Variants in MAX observed in about 807,000 individuals in gnomAD.
MAX encodes protein max.
A neutral mutation model predicts 22.3 loss-of-function variants in MAX; 3 were observed. The ratio of observed to expected loss-of-function variants is 0.13; its 90% CI spans 0.06 to 0.35. MAX has a LOEUF of 0.35. MAX is among the 10% of genes least tolerant of loss of function. The pLI is 1.00. For synonymous variants in MAX, 72 were observed against 77.7 expected (o/e 0.93, Z 0.39); for missense variants, 119 against 209.4 (o/e 0.57, Z 2.66).
intron 3 of MAX, among the ~76,000 whole-genome samples, chr14:65,065,599 G>A (rs1337660206): frequency 6.6e-6 from 1 of 152,136 alleles, no homozygotes; most frequent in Non-Finnish European, 1.5e-5. Context: ...AAGTATTTGT[G>A]AATCTAAACA....
At chr14:65,045,065 T>C (rs1287027266) in intron 3 of MAX, among the ~76,000 whole-genome samples, 1 of 152,212 alleles carries the variant, frequency 6.6e-6, no homozygotes, top group Non-Finnish European at 1.5e-5. Flanking sequence ...CGTTCGTTTC[T>C]GTGGGGTCTC....
downstream of MAX, among the ~76,000 whole-genome samples, chr14:65,071,942 T>C (rs930686037): frequency 1.1e-4 from 16 of 152,234 alleles, no homozygotes; most frequent in African/African-American, 3.4e-4. The surrounding 1 kb of genome is among the most constrained non-coding windows in gnomAD (Gnocchi z 4.2). Flanking sequence ...AACTATTTTT[T>C]ATTCCCTTCC....
chr14:65,068,565 C>T (rs2062955104), intron 3 of MAX, among the ~76,000 whole-genome samples: 2 of 152,064 alleles, frequency 1.3e-5, no homozygotes, highest in African/African-American at 2.4e-5. Context: ...ACTATGGACT[C>T]GTTTATTTTA....
rs117195243 is a variant in MAX, at chr14:65,044,525, T to C, written c.172-38241A>G. Reference sequence around the variant, plus strand: ...AGTCTGGAAGCCCAGCGTGCTTTTTTAGAGGGGTTGAAATGAGCTCTGTCT... The same window carrying C: ...AGTCTGGAAGCCCAGCGTGCTTTTTCAGAGGGGTTGAAATGAGCTCTGTCT... On this transcript the variant is annotated intron_variant, in intron 3 of 3. Coordinates refer to the MAX transcript ENST00000341653. The surrounding 1 kb of genome is among the most constrained non-coding windows in gnomAD (Gnocchi z 5.5). 94,789 of 1,538,304 alleles carry C rather than the reference T, an allele frequency of 0.062. 3,344 individuals are homozygous for C. The highest frequency in any genetic ancestry group is 0.1 in the Middle Eastern group (581 of 5,766).
rs998048958 is a variant in MAX, at chr14:65,062,400, C to G, written c.171+31308G>C. Reference sequence around the variant, plus strand: ...GCAGCGTGGGGTGCCGCCCAGCGTGCTGGGTCCTGGCAGTGCCTCTGCTGT... The same window carrying G: ...GCAGCGTGGGGTGCCGCCCAGCGTGGTGGGTCCTGGCAGTGCCTCTGCTGT... On this transcript the variant is annotated intron_variant, in intron 3 of 3. Coordinates refer to the MAX transcript ENST00000341653. The surrounding 1 kb of genome is among the most constrained non-coding windows in gnomAD (Gnocchi z 4.3). 6.6e-6 allele frequency: 1 copy of G among 152,640 alleles called. No individual in the cohort carries two copies. The highest frequency in any genetic ancestry group is 1.5e-5 in the Non-Finnish European group (1 of 68,110). 9.5% of individuals were successfully genotyped at this position (152,640 alleles called of 1,614,324 possible).
rs1019563809 is a variant in MAX at position 65,097,686 on chromosome 14, A to G, written c.63+3860T>C. On this transcript the variant is annotated intron_variant, in intron 2 of 4. Coordinates refer to ENST00000358664, the MANE Select transcript of MAX (RefSeq NM_002382.5). ...TATTAGAGACTAAGGACACGAGAAT[A>G]CACAGACCCAAAAATCTCATCCGAA... Among the ~76,000 whole-genome samples the G allele has an allele frequency of 2.6e-5, 4 of 152,260 alleles. No homozygotes were observed. The East Asian group carries it at 7.7e-4, about 29-fold the overall frequency.
In MAX at chr14:65,086,616, T is replaced by C. The variant is rs1021750081; in HGVS notation, c.171+7092A>G. On this transcript the variant is annotated intron_variant, in intron 3 of 4. Transcript: ENST00000358664. ...AACTTCACAGAGATGATTTAGGGTATCTGGAGGAAGAAATTTCTAAGCAGC... is the reference window on the plus strand; with the variant it reads ...AACTTCACAGAGATGATTTAGGGTACCTGGAGGAAGAAATTTCTAAGCAGC... Among the ~76,000 whole-genome samples, 10 of 152,180 alleles carry C rather than the reference T, an allele frequency of 6.6e-5. No homozygotes were observed. In the East Asian group the frequency reaches 1.7e-3, roughly 26 times the overall value.
chr14:65,056,544 ATT>A (rs1193819359), intron 3 of MAX, among the ~76,000 whole-genome samples: 1 of 152,156 alleles, frequency 6.6e-6, no homozygotes, highest in Middle Eastern at 3.4e-3. Context: ...GTGAAGTGGT[ATT>A]TGTTTGATTT....
At chr14:65,025,576 A>AGGTCTGAG (rs2061964690) in intron 3 of MAX, among the ~76,000 whole-genome samples, 1 of 152,178 alleles carries the variant, frequency 6.6e-6, no homozygotes, top group African/African-American at 2.4e-5. Flanking sequence ...GCACTTTGGG[A>AGGTCTGAG]GTCCGAGGTG....
intron 3 of MAX, among the ~76,000 whole-genome samples, chr14:65,013,815 T>C (rs2061723861): frequency 6.6e-6 from 1 of 152,270 alleles, no homozygotes; most frequent in African/African-American, 2.4e-5. Context: ...CCTGAGGCTC[T>C]GGGGTTACAG....
At chr14:65,013,835 A>G (rs2061724566) in intron 3 of MAX, among the ~76,000 whole-genome samples, 1 of 152,268 alleles carries the variant, frequency 6.6e-6, no homozygotes, top group South Asian at 2.1e-4. Flanking sequence ...GGCGTGAGCT[A>G]CTGCGCCCAG....
At chr14:65,094,405 T>C (rs1185564675) in intron 2 of MAX, among the ~76,000 whole-genome samples, 1 of 152,266 alleles carries the variant, frequency 6.6e-6, no homozygotes, top group Non-Finnish European at 1.5e-5. Context: ...GAGATCATTA[T>C]GACAGAGCTG....
downstream of MAX, among the ~76,000 whole-genome samples, chr14:65,074,149 C>T (rs529333549): frequency 1.2e-4 from 18 of 152,300 alleles, no homozygotes; most frequent in South Asian, 3.7e-3. Context: ...CAACTGTATA[C>T]TTAAGCCCAG....
Position 65,077,078 on chromosome 14 carries a change from C to A in MAX, c.296-415G>T. 1 of 572,594 alleles carries A rather than the reference C, an allele frequency of 1.7e-6. No homozygotes were observed. Among genetic ancestry groups the A allele is most frequent in the Non-Finnish European group, 3.1e-6 (1 of 323,450 alleles). 35.5% of individuals were successfully genotyped at this position (572,594 alleles called of 1,614,324 possible). A position where few individuals can be genotyped will look rare whatever the true frequency, so the allele number is the denominator to read the frequency against. On this transcript the variant is annotated intron_variant, in intron 4 of 4. Coordinates refer to ENST00000358664, the MANE Select transcript of MAX (RefSeq NM_002382.5). This position sits in a 1 kb window ranked among gnomAD's most constrained non-coding sequence, Gnocchi z 6.3. ...AAAGGATGACATAAGACGTATCAGC[C>A]AAAGAACAGTTTTGGCTTAGCTCTC...
At chr14:65,094,887 G>A (rs890516605) in intron 2 of MAX, among the ~76,000 whole-genome samples, 3 of 152,170 alleles carry the variant, frequency 2.0e-5, no homozygotes, top group East Asian at 1.9e-4. Context: ...AATGCACAAC[G>A]TTGCACTGAG....
intron 1 of MAX, 26 bp downstream of exon 1, chr14:65,102,278 G>A (rs747494018): frequency 1.2e-6 from 2 of 1,613,444 alleles, no homozygotes; most frequent in Non-Finnish European, 1.7e-6. Flanking sequence ...CAACCCGCAC[G>A]GGAAGGAAGA....
Position 65,054,507 on chromosome 14 carries a change from G to T in MAX, c.171+39201C>A. On this transcript the variant is annotated intron_variant, in intron 3 of 3. Coordinates refer to the MAX transcript ENST00000341653. This position sits in a 1 kb window ranked among gnomAD's most constrained non-coding sequence, Gnocchi z 4.4. ...TGATTGCACCAGTGGTCTCTGAATT[G>T]GTGTGGCTACATTTGTAGATGTGTG... The T allele has an allele frequency of 4.7e-6, 7 of 1,481,690 alleles. No homozygotes were observed. Among genetic ancestry groups the T allele is most frequent in the Admixed American group, 3.8e-5 (2 of 52,144 alleles). 91.8% of individuals were successfully genotyped at this position (1,481,690 alleles called of 1,614,324 possible). A position where few individuals can be genotyped will look rare whatever the true frequency, so the allele number is the denominator to read the frequency against.
rs370952915 is a variant in MAX at position 65,088,991 on chromosome 14, T to G, written c.171+4717A>C. Among the ~76,000 whole-genome samples the G allele has an allele frequency of 1.6e-4, 25 of 152,202 alleles. No individual in the cohort carries two copies. The highest frequency in any genetic ancestry group is 2.8e-4 in the Non-Finnish European group (19 of 68,020). ...GGAAATGAAACTGAGATTAACTCAATGTAAAGCTCTTATCTGATGCTCAGC... is the reference window on the plus strand; with the variant it reads ...GGAAATGAAACTGAGATTAACTCAAGGTAAAGCTCTTATCTGATGCTCAGC... On this transcript the variant is annotated intron_variant, in intron 3 of 4. Coordinates refer to ENST00000358664, the MANE Select transcript of MAX (RefSeq NM_002382.5). This position sits in a 1 kb window ranked among gnomAD's most constrained non-coding sequence, Gnocchi z 5.2.
intron 2 of MAX, among the ~76,000 whole-genome samples, chr14:65,098,490 T>C (rs1472113161): frequency 6.6e-6 from 1 of 152,176 alleles, no homozygotes; most frequent in East Asian, 1.9e-4. Flanking sequence ...TCAAGGATGG[T>C]CACTGGAAAA....
Sources: allele counts gnomAD v4.1 joint callset (sites outside exome capture counted in the v4.1 genomes callset), GRCh38; gene constraint gnomAD v4.1.1; non-coding constraint Gnocchi (gnomAD v3.1); transcripts MANE v1.5; gene names NCBI Gene and HGNC (gene_info 2026-07-23, HGNC 2026-07-21).